Variants in SDK1 observed in about 807,000 individuals in gnomAD.
SDK1 encodes sidekick cell adhesion molecule 1.
SDK1 carries 157 observed loss-of-function variants against 245.5 expected under a neutral mutation model. The observed-to-expected ratio is 0.64, with a 90% CI of 0.56 to 0.73. SDK1 has a LOEUF of 0.73. Ranked by LOEUF, SDK1 falls within the 30% of genes least tolerant of loss-of-function variation. The pLI, the probability that SDK1 is intolerant of heterozygous loss-of-function variation, is 0.00. For missense variants in SDK1, 3,583 were observed against 3,002.3 expected (o/e 1.19, Z -4.52); for synonymous variants, 1,647 against 1,278.5 (o/e 1.29, Z -6.15).
In SDK1 at chr7:4,168,371, G is replaced by A. The variant is rs544918607; in HGVS notation, c.4801-5851G>A. ...GACACTGTGTCTGTTGGGCAAGGCG[G>A]ATTGGCCATTTCTTATAGCTCTAAA... On this transcript the variant is annotated intron_variant, in intron 32 of 44. Coordinates refer to ENST00000404826, the MANE Select transcript of SDK1 (RefSeq NM_152744.4). 4.6e-5 allele frequency among the ~76,000 whole-genome samples: 7 copies of A among 152,332 alleles called. No homozygotes were observed. In the East Asian group the frequency reaches 1.4e-3, roughly 29 times the overall value.
intron 17 of SDK1, among the ~76,000 whole-genome samples, chr7:4,047,977 G>A (rs963255): frequency 0.16 from 24,755 of 152,110 alleles, 2,203 homozygotes; most frequent in African/African-American, 0.24. Flanking sequence ...AGAGGGGGCC[G>A]AGGGGCATCA....
intron 11 of SDK1, 54 bp from the exon 12 acceptor site, chr7:3,971,412 C>A: frequency 4.0e-6 from 5 of 1,264,762 alleles, no homozygotes; most frequent in Non-Finnish European, 2.3e-6. Flanking sequence ...CCCCTGAGGG[C>A]AGAAACTGTC....
chr7:3,484,568 A>G (rs143227596), intron 1 of SDK1, among the ~76,000 whole-genome samples: 9 of 152,278 alleles, frequency 5.9e-5, no homozygotes, highest in East Asian at 3.9e-4. Context: ...ATAGTTAACT[A>G]TGGTCTCCTG....
At chr7:3,576,823 T>G (rs1467861086) in intron 1 of SDK1, among the ~76,000 whole-genome samples, 1 of 152,038 alleles carries the variant, frequency 6.6e-6, no homozygotes, top group Non-Finnish European at 1.5e-5. Flanking sequence ...TACTTGTAAA[T>G]TATATACAGT....
chr7:3,770,164 G>A (rs752634910), intron 4 of SDK1, among the ~76,000 whole-genome samples: 5 of 152,008 alleles, frequency 3.3e-5, no homozygotes, highest in Admixed American at 6.6e-5. Context: ...GACTGTATCC[G>A]TTTCTATAAT....
At position 3,765,816 on chromosome 7, in the gene SDK1, G is replaced by A. The variant is rs183444329; in HGVS notation, c.714-55634G>A. On this transcript the variant is annotated intron_variant, in intron 4 of 44. Transcript: ENST00000404826. ...TGTAAAAGGCTGGCTGTTTTATCTG[G>A]ATTCTATTTCAGGGGATTAAAGGAG... Among the ~76,000 whole-genome samples, 36 of 152,114 alleles carry A rather than the reference G, an allele frequency of 2.4e-4. No individual in the cohort carries two copies. The East Asian group carries it at 7.0e-3, about 29-fold the overall frequency.
intron 17 of SDK1, among the ~76,000 whole-genome samples, chr7:4,037,791 C>A (rs1788327616): frequency 6.6e-6 from 1 of 152,134 alleles, no homozygotes; most frequent in Admixed American, 6.6e-5. Flanking sequence ...TACCTAGAGA[C>A]CTTCTCTGCG....
chr7:3,677,206 ATG>A (rs142804722), intron 4 of SDK1, among the ~76,000 whole-genome samples: 9 of 151,424 alleles, frequency 5.9e-5, no homozygotes, highest in African/African-American at 1.9e-4. Flanking sequence ...GTATGTGTGT[ATG>A]TGTGTGTGTG....
At chr7:4,170,341 G>A (rs1781759619) in intron 32 of SDK1, among the ~76,000 whole-genome samples, 1 of 152,110 alleles carries the variant, frequency 6.6e-6, no homozygotes, top group African/African-American at 2.4e-5. Flanking sequence ...CAGCTACTCG[G>A]GAGGCTGAGG....
At chr7:3,747,230 C>G (rs1224642198) in intron 4 of SDK1, among the ~76,000 whole-genome samples, 2 of 152,208 alleles carry the variant, frequency 1.3e-5, no homozygotes, top group African/African-American at 4.8e-5. Flanking sequence ...AAAAGTCATT[C>G]TCACTGGTAA....
At chr7:3,448,741 A>G (rs1343614234) in intron 1 of SDK1, among the ~76,000 whole-genome samples, 1 of 152,188 alleles carries the variant, frequency 6.6e-6, no homozygotes, top group Admixed American at 6.5e-5. Flanking sequence ...TTTAAATGCC[A>G]TCAGTACTTT....
At chr7:3,578,296 G>A (rs1480824822) in intron 1 of SDK1, among the ~76,000 whole-genome samples, 1 of 151,942 alleles carries the variant, frequency 6.6e-6, no homozygotes, top group Non-Finnish European at 1.5e-5. Context: ...AGGGGAGGGG[G>A]TGCAAGAACA....
intron 1 of SDK1, among the ~76,000 whole-genome samples, chr7:3,595,832 A>C (rs1279641596): frequency 1.7e-5 from 2 of 115,434 alleles, no homozygotes; most frequent in African/African-American, 4.2e-5. Flanking sequence ...TCATCTCAAA[A>C]AAAAAAAAAA....
chr7:3,366,710 A>G lies in SDK1; in HGVS notation c.298+64826A>G, dbSNP rs1177992740. Among the ~76,000 whole-genome samples the G allele has an allele frequency of 7.9e-5, 12 of 152,136 alleles. No homozygotes were observed. In the East Asian group the frequency reaches 1.2e-3, roughly 15 times the overall value. ...TGGTTCATGTCTTTTGCCTATTTGT[A>G]TATTGGATTTTTGATAATTATTGTT... On this transcript the variant is annotated intron_variant, in intron 1 of 44. Transcript: ENST00000404826.
intron 4 of SDK1, among the ~76,000 whole-genome samples, chr7:3,736,217 T>A (rs976878957): frequency 2.0e-5 from 3 of 152,244 alleles, no homozygotes; most frequent in African/African-American, 7.2e-5. Flanking sequence ...TATCTACTTT[T>A]ATTCTCACAC....
chr7:3,344,344 C>G (rs1780436674), intron 1 of SDK1, among the ~76,000 whole-genome samples: 1 of 152,210 alleles, frequency 6.6e-6, no homozygotes, highest in South Asian at 2.1e-4. Context: ...GTCTCCACAG[C>G]TACTTTTATC....
intron 1 of SDK1, among the ~76,000 whole-genome samples, chr7:3,523,524 C>T (rs1259132328): frequency 6.6e-6 from 1 of 152,130 alleles, no homozygotes; most frequent in Admixed American, 6.6e-5. Flanking sequence ...GCTAATCTTT[C>T]AATGTTAGCT....
intron 4 of SDK1, among the ~76,000 whole-genome samples, chr7:3,723,955 G>C (rs1023062282): frequency 6.7e-6 from 1 of 148,190 alleles, no homozygotes; most frequent in African/African-American, 2.5e-5. Flanking sequence ...GAGAGAGAGA[G>C]AGAGAGAGAG....
At chr7:3,543,345 G>A (rs539034791) in intron 1 of SDK1, among the ~76,000 whole-genome samples, 5 of 152,252 alleles carry the variant, frequency 3.3e-5, no homozygotes, top group African/African-American at 9.6e-5. Context: ...ATCACTATCT[G>A]TTGCAAGTGT....
Sources: allele counts gnomAD v4.1 joint callset (sites outside exome capture counted in the v4.1 genomes callset), GRCh38; gene constraint gnomAD v4.1.1; transcripts MANE v1.5; gene names NCBI Gene and HGNC (gene_info 2026-07-23, HGNC 2026-07-21).